PPP2R2C: variants seen among roughly 807,000 people sequenced by gnomAD.
PPP2R2C encodes the protein protein phosphatase 2, regulatory subunit B, gamma.
PPP2R2C carries 10 observed loss-of-function variants against 45.3 expected under a neutral mutation model. The ratio of observed to expected loss-of-function variants is 0.22; its 90% CI spans 0.14 to 0.37. The LOEUF is 0.37. Among genes scored for constraint, PPP2R2C ranks in the 10% least tolerant of loss-of-function variants. The probability of loss-of-function intolerance (pLI) is 1.00; values close to 1 mark genes in which losing one functional copy is unlikely to be tolerated. For synonymous variants in PPP2R2C, 257 were observed against 245.4 expected (o/e 1.05, Z -0.44); for missense variants, 308 against 619.7 (o/e 0.50, Z 5.34).
intron 6 of PPP2R2C, among the ~76,000 whole-genome samples, chr4:6,341,968 T>G (rs1733475065): frequency 6.6e-6 from 1 of 151,946 alleles, no homozygotes; most frequent in Non-Finnish European, 1.5e-5. Context: ...CAATGAGAAG[T>G]GCGTATACAG....
intron 1 of PPP2R2C, among the ~76,000 whole-genome samples, chr4:6,401,724 C>T (rs1486052291): frequency 6.6e-6 from 1 of 152,160 alleles, no homozygotes; most frequent in Non-Finnish European, 1.5e-5. Flanking sequence ...GGCCACAGCT[C>T]AGCTCAGGAG....
At chr4:6,442,117 T>A (rs1720186634) in intron 1 of PPP2R2C, among the ~76,000 whole-genome samples, 1 of 152,196 alleles carries the variant, frequency 6.6e-6, no homozygotes, top group African/African-American at 2.4e-5. Flanking sequence ...AAATGGCCAG[T>A]GCCTTGGGTG....
intron 2 of PPP2R2C, among the ~76,000 whole-genome samples, chr4:6,522,837 GACAA>G (rs936330847): frequency 2.2e-4 from 34 of 152,256 alleles, no homozygotes; most frequent in Admixed American, 3.3e-4. Flanking sequence ...GAGGGAGACA[GACAA>G]ACAGACAGAC....
Position 6,472,222 on chromosome 4 carries a change from T to C in PPP2R2C, c.8A>G (p.Glu3Gly). The C allele has an allele frequency of 6.2e-7, 1 of 1,613,022 alleles. No individual in the cohort carries two copies. The highest frequency in any genetic ancestry group is 8.5e-7 in the Non-Finnish European group (1 of 1,179,260). MG[E>G]DTDTRKINHS... ...GTTAATTTTCCGCGTGTCCGTGTCC[T>C]CGCCCATTGAAGGCCGTGCCCGGTG... is the stretch of plus-strand genomic sequence containing the variant. The change falls in exon 1 of 9, where the codon GAG becomes GGG. Residue 3 changes from glutamate to glycine, a missense_variant. Physicochemically the swap from Glu to Gly is moderately conservative, Grantham distance 98. Coordinates refer to ENST00000382599, the MANE Select transcript of PPP2R2C (RefSeq NM_020416.4).
intron 2 of PPP2R2C, among the ~76,000 whole-genome samples, chr4:6,501,342 T>G (rs972586982): frequency 7.2e-5 from 11 of 152,120 alleles, no homozygotes; most frequent in Non-Finnish European, 1.6e-4. Context: ...AAGCCTCATC[T>G]GCATCAGGGA....
intron 2 of PPP2R2C, among the ~76,000 whole-genome samples, chr4:6,485,556 G>A (rs1722503927): frequency 6.6e-6 from 1 of 151,812 alleles, no homozygotes; most frequent in Admixed American, 6.6e-5. Context: ...AATAGTTATA[G>A]GACTACTCAG....
chr4:6,486,103 G>A (rs1350644867), intron 2 of PPP2R2C, among the ~76,000 whole-genome samples: 7 of 151,908 alleles, frequency 4.6e-5, no homozygotes, highest in African/African-American at 7.2e-5. Flanking sequence ...ATTCATTCAC[G>A]TAAAAATACT....
chr4:6,407,859 C>G (rs568162451), intron 1 of PPP2R2C, among the ~76,000 whole-genome samples: 56 of 152,322 alleles, frequency 3.7e-4, no homozygotes, highest in African/African-American at 1.3e-3. Flanking sequence ...ACAGGGACCA[C>G]CAGCCATGGG....
intron 2 of PPP2R2C, among the ~76,000 whole-genome samples, chr4:6,523,821 C>T (rs1047529969): frequency 1.3e-5 from 2 of 152,234 alleles, no homozygotes; most frequent in Non-Finnish European, 2.9e-5. Context: ...CCCTAAGTAT[C>T]CATCCATCCA....
At position 6,441,895 on chromosome 4, in the gene PPP2R2C, G is replaced by A. The variant is rs139041014; in HGVS notation, c.70+30265C>T. ...CCCAGCACTGCGGTCAAAATTAAAT[G>A]CCTGGGGCATGGCAGCTGTTCACCA... On this transcript the variant is annotated intron_variant, in intron 1 of 8. Coordinates refer to ENST00000382599, the MANE Select transcript of PPP2R2C (RefSeq NM_020416.4). Among the ~76,000 whole-genome samples the A allele has an allele frequency of 4.6e-3, 707 of 152,292 alleles. 6 individuals are homozygous for A. Among genetic ancestry groups the A allele is most frequent in the African/African-American group, 0.016 (671 of 41,558 alleles).
At chr4:6,434,772 G>A (rs529004654) in intron 1 of PPP2R2C, among the ~76,000 whole-genome samples, 2 of 127,404 alleles carry the variant, frequency 1.6e-5, no homozygotes, top group African/African-American at 6.0e-5. Flanking sequence ...AGCTATTTTA[G>A]TCCTTGCCTA....
intron 1 of PPP2R2C, among the ~76,000 whole-genome samples, chr4:6,434,756 A>C (rs1469418142): frequency 6.6e-6 from 1 of 150,398 alleles, no homozygotes; most frequent in Non-Finnish European, 1.5e-5. Context: ...CCATCATGGT[A>C]ATATCAGCTA....
chr4:6,534,759 G>A (rs959299394), intron 2 of PPP2R2C, among the ~76,000 whole-genome samples: 6 of 152,170 alleles, frequency 3.9e-5, no homozygotes, highest in African/African-American at 1.4e-4. Flanking sequence ...CCTCCGCATG[G>A]CTGCCCTGGT....
In PPP2R2C at chr4:6,364,763, T is replaced by A. The variant is rs1033379604; in HGVS notation, c.625+7760A>T. Among the ~76,000 whole-genome samples the A allele has an allele frequency of 5.9e-5, 9 of 152,090 alleles. No individual in the cohort carries two copies. The highest frequency in any genetic ancestry group is 1.7e-4 in the African/African-American group (7 of 41,420). ...GGCCAAGGTCTGAGCCCTGGCAGTC[T>A]GGCTCCTAGACCTAAGAAGGGAGGC... On this transcript the variant is annotated intron_variant, in intron 5 of 8. Coordinates refer to ENST00000382599, the MANE Select transcript of PPP2R2C (RefSeq NM_020416.4). This position sits in a 1 kb window ranked among gnomAD's most constrained non-coding sequence, Gnocchi z 5.3.
chr4:6,467,032 G>A (rs1002381416), intron 1 of PPP2R2C, among the ~76,000 whole-genome samples: 3 of 152,152 alleles, frequency 2.0e-5, no homozygotes, highest in African/African-American at 4.8e-5. Flanking sequence ...AGGGCACCAG[G>A]CAGTGCAGGG....
chr4:6,321,283 A>G lies in PPP2R2C; in HGVS notation c.*2019T>C, dbSNP rs1336070899. The G allele has an allele frequency of 6.6e-6, 1 of 152,458 alleles. No homozygotes were observed. The highest frequency in any genetic ancestry group is 2.4e-5 in the African/African-American group (1 of 41,452). 9.4% of individuals were successfully genotyped at this position (152,458 alleles called of 1,614,324 possible). ...GATGGATCGTAGCAAATATCCAAGT[A>G]ATGGGTAAGGCCCTCAGAGCTGGGT... On this transcript the variant is annotated 3_prime_UTR_variant, in exon 9 of 9. Transcript: ENST00000382599.
chr4:6,355,360 T>C (rs68042636), intron 5 of PPP2R2C, among the ~76,000 whole-genome samples: 40,108 of 151,796 alleles, frequency 0.26, 5,580 homozygotes, highest in Non-Finnish European at 0.3. Context: ...CCTGTGTCCA[T>C]GTGATCTCAT....
intron 7 of PPP2R2C, among the ~76,000 whole-genome samples, 165 bp downstream of exon 7, chr4:6,333,397 C>G (rs1278138628): frequency 6.6e-6 from 1 of 152,238 alleles, no homozygotes; most frequent in Non-Finnish European, 1.5e-5. Flanking sequence ...CTGCCCTCTG[C>G]CAAGCTACGT....
intron 6 of PPP2R2C, among the ~76,000 whole-genome samples, chr4:6,346,826 C>T (rs776208096): frequency 9.9e-5 from 15 of 152,190 alleles, no homozygotes; most frequent in African/African-American, 2.7e-4. Flanking sequence ...AGCCCTCTGC[C>T]GCCGGCACCC....
Sources: gnomAD v4.1 joint callset for allele counts (sites outside exome capture counted in the v4.1 genomes callset) on GRCh38, gnomAD v4.1.1 for gene constraint, Gnocchi (gnomAD v3.1) non-coding constraint, MANE v1.5 for transcripts, NCBI Gene and HGNC (gene_info 2026-07-23, HGNC 2026-07-21) for gene names.